Variants in CACNA1D observed in about 807,000 individuals in gnomAD.
CACNA1D encodes the protein calcium voltage-gated channel subunit alpha1 D.
CACNA1D carries 55 observed loss-of-function variants against 257.1 expected under a neutral mutation model. The observed-to-expected ratio is 0.21, with a 90% CI of 0.17 to 0.27. The LOEUF (loss-of-function observed/expected upper bound fraction) is 0.27, where lower values mean the gene tolerates loss of function less well. Ranked by LOEUF, CACNA1D falls within the 10% of genes least tolerant of loss-of-function variation. The pLI, the probability that CACNA1D is intolerant of heterozygous loss-of-function variation, is 1.00. For missense variants in CACNA1D, 1,876 were observed against 2,784.0 expected (o/e 0.67, Z 7.34); for synonymous variants, 980 against 1,014.9 (o/e 0.97, Z 0.65).
intron 8 of CACNA1D, among the ~76,000 whole-genome samples, chr3:53,682,365 T>TAAAAAAAAAAAAAAAAAAAAAAAAA (rs3082718): frequency 3.2e-4 from 15 of 47,366 alleles, no homozygotes; most frequent in East Asian, 1.3e-3. Flanking sequence ...TTGTCTCTGG[T>TAAAAAAAAAAAAAAAAAAAAAAAAA]AAAAAAAAAA....
chr3:53,496,747 G>T (rs2090367903), intron 1 of CACNA1D, among the ~76,000 whole-genome samples: 3 of 152,086 alleles, frequency 2.0e-5, no homozygotes, highest in Admixed American at 6.5e-5. Flanking sequence ...GATGGTGGTA[G>T]TTATGTTAGA....
chr3:53,548,787 T>A (rs2092469023), intron 3 of CACNA1D, among the ~76,000 whole-genome samples: 1 of 152,188 alleles, frequency 6.6e-6, no homozygotes, highest in Admixed American at 6.5e-5. Context: ...ATAGTTTGCA[T>A]AAACGTTCCC....
intron 3 of CACNA1D, among the ~76,000 whole-genome samples, chr3:53,639,482 G>A (rs2093924567): frequency 6.6e-6 from 1 of 152,000 alleles, no homozygotes; most frequent in African/African-American, 2.4e-5. Context: ...CGCCTCCTGG[G>A]TTCAAGTGAT....
At chr3:53,713,707 C>T (rs540186070) in intron 9 of CACNA1D, among the ~76,000 whole-genome samples, 1 of 152,290 alleles carries the variant, frequency 6.6e-6, no homozygotes, top group Admixed American at 6.5e-5. Flanking sequence ...GTGGCATTGC[C>T]CATGATAACA....
intron 14 of CACNA1D, 99 bp from the exon 15 acceptor site, chr3:53,726,780 G>T (rs1432258817): frequency 2.0e-6 from 3 of 1,474,968 alleles, no homozygotes; most frequent in Non-Finnish European, 2.8e-6. Flanking sequence ...GACTGTGAAA[G>T]GCAGCTTAAA....
chr3:53,737,969 G>C (rs2095075473), intron 20 of CACNA1D, among the ~76,000 whole-genome samples: 1 of 152,232 alleles, frequency 6.6e-6, no homozygotes, highest in Non-Finnish European at 1.5e-5. Flanking sequence ...CCCCACCTTA[G>C]CTGTGCAGCT....
chr3:53,549,160 T>G (rs1430883694), intron 3 of CACNA1D, among the ~76,000 whole-genome samples: 1 of 152,244 alleles, frequency 6.6e-6, no homozygotes, highest in Admixed American at 6.5e-5. Flanking sequence ...TCACTGCTAC[T>G]GTGGGGTTTA....
intron 8 of CACNA1D, among the ~76,000 whole-genome samples, chr3:53,683,925 A>G (rs1315344087): frequency 6.6e-6 from 1 of 152,210 alleles, no homozygotes; most frequent in Non-Finnish European, 1.5e-5. Context: ...AACAGATCCA[A>G]AAGGCCCAAC....
At chr3:53,545,410 TGTG>T (rs769921174) in intron 3 of CACNA1D, among the ~76,000 whole-genome samples, 2 of 152,064 alleles carry the variant, frequency 1.3e-5, no homozygotes, top group Admixed American at 6.5e-5. Flanking sequence ...TTTACACACA[TGTG>T]GTGTGTAAAA....
chr3:53,668,463 A>T (rs746328340), intron 7 of CACNA1D, among the ~76,000 whole-genome samples: 4 of 152,208 alleles, frequency 2.6e-5, no homozygotes, highest in Non-Finnish European at 4.4e-5. Context: ...CGTGGTTAAT[A>T]CTTTGACAGT....
At chr3:53,786,531 A>G (rs966724291) in intron 39 of CACNA1D, 4 of 381,440 alleles carry the variant, frequency 1.0e-5, no homozygotes, top group African/African-American at 8.2e-5. Context: ...AGCATTTCAT[A>G]GTGTTACTAA....
intron 3 of CACNA1D, among the ~76,000 whole-genome samples, chr3:53,631,132 A>G (rs1344028070): frequency 2.6e-5 from 4 of 152,218 alleles, no homozygotes; most frequent in Admixed American, 6.5e-5. Flanking sequence ...AGTTTGCCAC[A>G]TGATAGATTC....
intron 3 of CACNA1D, among the ~76,000 whole-genome samples, chr3:53,574,428 G>A (rs558927345): frequency 2.6e-5 from 4 of 152,146 alleles, no homozygotes; most frequent in Non-Finnish European, 5.9e-5. Flanking sequence ...TGATGGCAGG[G>A]AAGTGTTTAT....
chr3:53,653,916 A>G (rs763304942), intron 4 of CACNA1D, among the ~76,000 whole-genome samples: 7 of 152,214 alleles, frequency 4.6e-5, no homozygotes, highest in Non-Finnish European at 7.3e-5. Flanking sequence ...GTTAAAAACC[A>G]AAGATAAGGA....
At position 53,803,524 on chromosome 3, in the gene CACNA1D, T is replaced by C. The variant is rs2095546798; in HGVS notation, c.5537T>C (p.Phe1846Ser). The C allele has an allele frequency of 2.5e-6, 4 of 1,614,100 alleles. No homozygotes were observed. The highest frequency in any genetic ancestry group is 3.4e-6 in the Non-Finnish European group (4 of 1,179,960). ...CACTGCTTGGGGGAGCAGGAGTATT[T>C]CAGTAGTGAGGAATGCTACGAGGAT... is the stretch of plus-strand genomic sequence containing the variant. The part of the protein sequence containing the change: ...DPHCLGEQEY[F>S]SSEECYEDDS... The change falls in exon 44 of 48, where the codon TTC (phenylalanine) becomes TCC (serine). Residue 1846 changes from phenylalanine (F) to serine (S), a missense_variant. Around this residue, in one of 10 missense-constraint regions of CACNA1D, gnomAD observed 491 missense variants for 554.3 expected, o/e 0.89. Transcript: ENST00000350061.
Position 53,745,397 on chromosome 3 carries a change from C to T in CACNA1D, c.3007-227C>T, listed in dbSNP as rs112064906. Reference sequence around the variant, plus strand: ...CTGGGATTACAGGTGCACACCACCACGCCCAGCTAATTTTTGTATTTTTAG... The same window carrying T: ...CTGGGATTACAGGTGCACACCACCATGCCCAGCTAATTTTTGTATTTTTAG... On this transcript the variant is annotated intron_variant, in intron 23 of 47. Coordinates refer to ENST00000350061, the MANE Select transcript of CACNA1D (RefSeq NM_001128840.3). Among the ~76,000 whole-genome samples, 708 of 152,212 alleles carry T rather than the reference C, an allele frequency of 4.7e-3. 3 individuals carry two copies. The highest frequency in any genetic ancestry group is 7.8e-3 in the Non-Finnish European group (529 of 68,024).
chr3:53,786,724 C>CCCCCCA, intron 39 of CACNA1D, 98 bp from the exon 40 acceptor site: 1 of 590,110 alleles, frequency 1.7e-6, no homozygotes, highest in Non-Finnish European at 3.2e-6. Flanking sequence ...CCCACCCGCC[C>CCCCCCA]CACTCTGCCC....
rs770886605 is a variant in CACNA1D at position 53,808,712 on chromosome 3, C to T, written c.5813C>T (p.Pro1938Leu). ...LRRQSSQEEV[P>L]SSPIFPHRTA... is the part of the protein sequence containing the mutation. ...CGGCAGAGCAGCCAGGAAGAGGTCC[C>T]GTCGTCTCCCATCTTCCCCCATCGC... Residue 1938 changes from proline (P) to leucine (L), a missense_variant, in exon 46 of 48, where the codon CCG (proline) becomes CTG (leucine). This residue lies in a region of CACNA1D where 491 missense variants were observed against 554.3 expected (regional missense o/e 0.89). Transcript: ENST00000350061. 41 of 1,609,166 alleles carry T rather than the reference C, an allele frequency of 2.5e-5. No homozygotes were observed. Among genetic ancestry groups the T allele is most frequent in the Middle Eastern group, 1.6e-4 (1 of 6,084 alleles).
chr3:53,799,195 G>A (rs1297877276), intron 40 of CACNA1D, among the ~76,000 whole-genome samples: 1 of 152,232 alleles, frequency 6.6e-6, no homozygotes, highest in Non-Finnish European at 1.5e-5. Context: ...TTCTTCAGAT[G>A]CAGGACTTTC....
Sources: allele counts gnomAD v4.1 joint callset (sites outside exome capture counted in the v4.1 genomes callset), GRCh38; gene constraint gnomAD v4.1.1; regional missense constraint gnomAD v4.1.1; transcripts MANE v1.5; gene names NCBI Gene and HGNC (gene_info 2026-07-23, HGNC 2026-07-21).